The following MEIG1 variants were observed in gnomAD, a reference collection of about 807,000 sequenced individuals.
MEIG1 encodes meiosis/spermiogenesis associated 1.
A neutral mutation model predicts 11.3 loss-of-function variants in MEIG1; 12 were observed. That is an observed-to-expected ratio of 1.07 (90% CI 0.68 to 1.73). The LOEUF is 1.73. MEIG1 is among the 40% of genes most tolerant of loss of function. MEIG1 has a pLI of 0.00. For missense variants in MEIG1, 119 were observed against 104.9 expected (o/e 1.13, Z -0.59); for synonymous variants, 41 against 33.2 (o/e 1.24, Z -0.81).
chr10:14,976,801 G>T (rs1312738070), downstream of MEIG1, among the ~76,000 whole-genome samples: 1 of 151,974 alleles, frequency 6.6e-6, no homozygotes, highest in African/African-American at 2.4e-5. Flanking sequence ...TAATATTCCA[G>T]GAAAACGTTA....
chr10:14,984,276 C>G (rs1028888359), intron 1 of MEIG1, among the ~76,000 whole-genome samples: 3 of 151,772 alleles, frequency 2.0e-5, no homozygotes, highest in Non-Finnish European at 4.4e-5. Flanking sequence ...TATTACTCCC[C>G]GATTTTTCCG....
At position 14,966,476 on chromosome 10, in the gene MEIG1, G is replaced by A. The variant is rs141912706; in HGVS notation, c.8G>A (p.Ser3Asn). MA[S>N]SDVKPKSVSH... ...AATAAGGCCTCTGTAACCATGGCTA[G>A]TTCTGACGTAAAACCAAAATCAGTA... The change falls in exon 2 of 3, where the codon AGT (serine) becomes AAT (asparagine). Residue 3 changes from serine to asparagine, a missense_variant. Physicochemically the swap from Ser to Asn is conservative, Grantham distance 46. Transcript: ENST00000407572. The A allele has an allele frequency of 2.7e-4, 435 of 1,607,154 alleles. 1 individual carries two copies. Among genetic ancestry groups the A allele is most frequent in the Non-Finnish European group, 2.7e-4 (314 of 1,177,426 alleles).
chr10:14,983,120 G>A (rs1437709842), intron 1 of MEIG1, among the ~76,000 whole-genome samples: 1 of 152,074 alleles, frequency 6.6e-6, no homozygotes, highest in Non-Finnish European at 1.5e-5. Flanking sequence ...CAGGGAGGGA[G>A]AGAGCATGAT....
chr10:14,961,416 A>G (rs1043278355), intron 1 of MEIG1, among the ~76,000 whole-genome samples: 26 of 152,018 alleles, frequency 1.7e-4, no homozygotes, highest in African/African-American at 5.6e-4. Context: ...CAAACCAGAA[A>G]CTCAGGCATT....
downstream of MEIG1, among the ~76,000 whole-genome samples, chr10:14,973,278 T>C (rs1485877450): frequency 6.6e-6 from 1 of 152,200 alleles, no homozygotes; most frequent in African/African-American, 2.4e-5. Context: ...GTCTTAGTGC[T>C]CCACCTATAC....
downstream of MEIG1, among the ~76,000 whole-genome samples, chr10:14,976,702 G>C (rs1314997083): frequency 6.6e-6 from 1 of 151,728 alleles, no homozygotes; most frequent in Non-Finnish European, 1.5e-5. Context: ...AATGTCACAC[G>C]GGGTGGACAC....
downstream of MEIG1, among the ~76,000 whole-genome samples, chr10:14,975,312 G>A (rs562158752): frequency 2.6e-5 from 4 of 152,184 alleles, no homozygotes; most frequent in South Asian, 4.1e-4. Context: ...GGGAGAGGAC[G>A]ATATGACTCC....
chr10:14,955,337 C>T (rs1272614801), upstream of MEIG1, among the ~76,000 whole-genome samples: 1 of 152,186 alleles, frequency 6.6e-6, no homozygotes, highest in East Asian at 1.9e-4. Context: ...CAAATAAATG[C>T]TTCCACAGAG....
intron 1 of MEIG1, among the ~76,000 whole-genome samples, chr10:14,981,999 A>G (rs893188383): frequency 2.0e-5 from 3 of 152,096 alleles, no homozygotes; most frequent in African/African-American, 4.8e-5. Context: ...CATCATTGTG[A>G]TGTATTCACC....
chr10:14,967,185 C>A (rs1280220898), intron 2 of MEIG1, among the ~76,000 whole-genome samples: 2 of 150,376 alleles, frequency 1.3e-5, no homozygotes, highest in Non-Finnish European at 3.0e-5. Flanking sequence ...CGGTAGACCA[C>A]AAAAAAAAAG....
chr10:14,974,584 T>C (rs1210686024), downstream of MEIG1, among the ~76,000 whole-genome samples: 5 of 152,128 alleles, frequency 3.3e-5, no homozygotes, highest in African/African-American at 1.2e-4. Flanking sequence ...AATGGCACAA[T>C]GTGACTTACC....
chr10:14,986,744 A>G (rs1185992595), intron 1 of MEIG1: 8 of 322,380 alleles, frequency 2.5e-5, no homozygotes, highest in African/African-American at 4.4e-5. Context: ...CGAATAGCTG[A>G]GACTACAGGC....
chr10:14,958,382 T>TAA (rs1842972737), upstream of MEIG1, among the ~76,000 whole-genome samples: 1 of 152,238 alleles, frequency 6.6e-6, no homozygotes, highest in Non-Finnish European at 1.5e-5. Flanking sequence ...ATAATTTAAT[T>TAA]TGTGATATGT....
At position 14,961,189 on chromosome 10, in the gene MEIG1, T is replaced by C. The variant is rs903628133; in HGVS notation, c.-30+1632T>C. ...GCTCCCCTGCAGTTGGGCAACATCATCTAACACAAAGCCTATTTTATAATA... is the reference window on the plus strand; with the variant it reads ...GCTCCCCTGCAGTTGGGCAACATCACCTAACACAAAGCCTATTTTATAATA... On this transcript the variant is annotated intron_variant, in intron 1 of 2. Transcript: ENST00000407572. Among the ~76,000 whole-genome samples the C allele has an allele frequency of 2.0e-5, 3 of 152,294 alleles. 1 individual carries two copies. Among genetic ancestry groups the C allele is most frequent in the Middle Eastern group, 6.8e-3 (2 of 294 alleles).
intron 1 of MEIG1, among the ~76,000 whole-genome samples, chr10:14,964,524 A>G (rs1163405647): frequency 6.9e-6 from 1 of 145,160 alleles, no homozygotes; most frequent in African/African-American, 2.6e-5. Context: ...AATTAATGTC[A>G]TGCTTATTTT....
chr10:14,972,419 C>G (rs1935400), intron 2 of MEIG1, 94 bp from the exon 3 acceptor site: 1,015,124 of 1,511,066 alleles, frequency 0.67, 342,878 homozygotes, highest in Admixed American at 0.72. Flanking sequence ...TACTTTGTTT[C>G]TGTAAGTCAT....
chr10:14,982,205 T>A (rs1843272763), intron 1 of MEIG1, among the ~76,000 whole-genome samples: 1 of 152,212 alleles, frequency 6.6e-6, no homozygotes, highest in East Asian at 1.9e-4. Flanking sequence ...AGAGACCTTG[T>A]TAACATTTGT....
chr10:14,974,936 C>G (rs758593917), downstream of MEIG1, among the ~76,000 whole-genome samples: 27 of 152,018 alleles, frequency 1.8e-4, no homozygotes, highest in African/African-American at 5.8e-4. Context: ...TAATAGTACA[C>G]CTAAAACCTC....
chr10:14,982,608 G>T (rs754834480), intron 1 of MEIG1, among the ~76,000 whole-genome samples: 3 of 152,054 alleles, frequency 2.0e-5, no homozygotes, highest in Non-Finnish European at 2.9e-5. Context: ...TCTCCACCAC[G>T]TGACCATCCT....
Sources: allele counts gnomAD v4.1 joint callset (sites outside exome capture counted in the v4.1 genomes callset), GRCh38; gene constraint gnomAD v4.1.1; transcripts MANE v1.5; gene names NCBI Gene and HGNC (gene_info 2026-07-23, HGNC 2026-07-21).